PALM: variants seen among roughly 807,000 people sequenced by gnomAD.
PALM encodes paralemmin, also known as paralemmin-1.
PALM carries 18 observed loss-of-function variants against 30.7 expected under a neutral mutation model. The observed-to-expected ratio is 0.59, with a 90% CI of 0.41 to 0.87. The LOEUF (loss-of-function observed/expected upper bound fraction) is 0.87. Ranked by LOEUF, PALM falls within the 40% of genes least tolerant of loss-of-function variation. PALM has a pLI of 0.00. For missense variants in PALM, 529 were observed against 555.4 expected (o/e 0.95, Z 0.48); for synonymous variants, 286 against 242.8 (o/e 1.18, Z -1.66).
chr19:727,239 ACCCCG>A lies in PALM; in HGVS notation c.138+152_138+156del, dbSNP rs2032708110. ...GACCCTGACCCCGACCCTGACCCCG[ACCCCG>A]ACCCCGACCCTGACCCCAACCTGAC... On this transcript the variant is annotated intron_variant, in intron 3 of 8. Transcript: ENST00000338448. The A allele has an allele frequency of 1.6e-5, 9 of 580,400 alleles. No homozygotes were observed. The East Asian group carries it at 2.6e-4, about 17-fold the overall frequency. The allele number at this position is 580,400 out of a possible 1,614,324, so 36.0% of individuals were successfully genotyped here.
At chr19:710,702 C>T (rs2032049660) in intron 1 of PALM, among the ~76,000 whole-genome samples, 1 of 141,518 alleles carries the variant, frequency 7.1e-6, no homozygotes, top group African/African-American at 2.5e-5. Flanking sequence ...CGGGGGGCCT[C>T]GGTGCCTCCT....
chr19:726,504 C>A (rs569010367), intron 2 of PALM, among the ~76,000 whole-genome samples: 1 of 152,244 alleles, frequency 6.6e-6, no homozygotes, highest in Middle Eastern at 3.4e-3. Flanking sequence ...TGCTTTGGTG[C>A]CATCTTGGTG....
chr19:726,984 G>GTGCCCCCC, intron 2 of PALM, 24 bp from the exon 3 acceptor site: 1 of 1,183,058 alleles, frequency 8.5e-7, no homozygotes, highest in Admixed American at 2.0e-5. Flanking sequence ...GCCCATCCCT[G>GTGCCCCCC]ACCCCACCCG....
intron 4 of PALM, chr19:727,987 CGTCG>C: frequency 1.4e-5 from 3 of 218,550 alleles, no homozygotes; most frequent in East Asian, 3.4e-4. Context: ...AGGGACGTGG[CGTCG>C]AGCTCCTGGG....
rs777191315 is a variant in PALM at position 746,403 on chromosome 19, C to G, written c.753C>G (p.Ala251=). 7 of 1,612,432 alleles carry G rather than the reference C, an allele frequency of 4.3e-6. No homozygotes were observed. The highest frequency in any genetic ancestry group is 2.2e-5 in the South Asian group (2 of 90,998). The change falls in exon 9 of 9, where the codon GCC becomes GCG. Residue 251 remains alanine (A), a synonymous_variant. Transcript: ENST00000338448. The surrounding 1 kb of genome is among the most constrained non-coding windows in gnomAD (Gnocchi z 7.1). The part of the protein sequence containing the change: ...EVTLSEAGST[A]GAAETRGAVE... Reference sequence around the variant, plus strand: ...CGCTGAGCGAGGCAGGGTCCACGGCCGGGGCGGCAGAGACCCGGGGGGCTG... The same window carrying G: ...CGCTGAGCGAGGCAGGGTCCACGGCGGGGGCGGCAGAGACCCGGGGGGCTG...
At chr19:723,649 C>CA (rs1555688449) in intron 1 of PALM, among the ~76,000 whole-genome samples, 1 of 152,060 alleles carries the variant, frequency 6.6e-6, no homozygotes, top group East Asian at 1.9e-4. Flanking sequence ...TGGAGTGCAG[C>CA]GCGTGATCTC....
chr19:732,816 GGC>G (rs1404109369), intron 5 of PALM, among the ~76,000 whole-genome samples: 1 of 152,148 alleles, frequency 6.6e-6, no homozygotes, highest in Non-Finnish European at 1.5e-5. Context: ...GGAAGCCCAG[GGC>G]GCTGTGGAAT....
chr19:715,133 T>C (rs2032215763), intron 1 of PALM, among the ~76,000 whole-genome samples: 2 of 152,142 alleles, frequency 1.3e-5, no homozygotes, highest in Non-Finnish European at 2.9e-5. Context: ...GCGGGCGTGG[T>C]GGCGGGTGCC....
At chr19:716,407 C>G (rs1402267234) in intron 1 of PALM, among the ~76,000 whole-genome samples, 1 of 138,266 alleles carries the variant, frequency 7.2e-6, no homozygotes, top group African/African-American at 2.7e-5. Flanking sequence ...GAGACTCTTT[C>G]TCTCAAAAAA....
At chr19:710,555 G>C (rs950499002) in intron 1 of PALM, among the ~76,000 whole-genome samples, 2 of 152,160 alleles carry the variant, frequency 1.3e-5, no homozygotes, top group Non-Finnish European at 2.9e-5. Flanking sequence ...TCCCAGAGGA[G>C]GGGTGTCAGC....
chr19:727,845 C>A, intron 4 of PALM, 151 bp downstream of exon 4: 1 of 727,082 alleles, frequency 1.4e-6, no homozygotes, highest in Non-Finnish European at 2.2e-6. Context: ...TTGAGGGGGA[C>A]GCAGGACGGG....
chr19:734,468 G>C, intron 6 of PALM: 6 of 487,950 alleles, frequency 1.2e-5, no homozygotes, highest in African/African-American at 2.0e-5. Flanking sequence ...GGGAGGCTGA[G>C]GCAGGAGGAT....
intron 7 of PALM, among the ~76,000 whole-genome samples, chr19:736,833 C>T (rs1193205311): frequency 6.6e-6 from 1 of 152,130 alleles, no homozygotes; most frequent in Non-Finnish European, 1.5e-5. Context: ...GCGGGCAGAT[C>T]GCCTGAGGTC....
intron 2 of PALM, 51 bp from the exon 3 acceptor site, chr19:726,957 G>GGGGGGGGGGGGT: frequency 9.0e-7 from 1 of 1,109,140 alleles, no homozygotes. Flanking sequence ...GGGTGGGGGG[G>GGGGGGGGGGGGT]TCTCCGGGAC....
intron 5 of PALM, among the ~76,000 whole-genome samples, chr19:733,281 GTTGT>G (rs755475793): frequency 3.4e-4 from 51 of 152,152 alleles, no homozygotes; most frequent in Admixed American, 1.3e-4. Flanking sequence ...TTCCCTGAAG[GTTGT>G]TTGAGCATGG....
At chr19:718,717 G>A (rs1309391017) in intron 1 of PALM, among the ~76,000 whole-genome samples, 1 of 152,026 alleles carries the variant, frequency 6.6e-6, no homozygotes, top group Admixed American at 6.6e-5. Context: ...CATCCTGGGA[G>A]GGCTGGGAGG....
At chr19:732,825 G>A (rs2032914288) in intron 5 of PALM, among the ~76,000 whole-genome samples, 1 of 152,144 alleles carries the variant, frequency 6.6e-6, no homozygotes, top group Non-Finnish European at 1.5e-5. Context: ...GGGCGCTGTG[G>A]AATCCCCAAG....
In PALM at chr19:726,080, C is replaced by T. The variant is rs143813145; in HGVS notation, c.6-58C>T. On this transcript the variant is annotated intron_variant, in intron 1 of 8. Coordinates refer to ENST00000338448, the MANE Select transcript of PALM (RefSeq NM_002579.3). ...AGAGGCAGAGCTGGGATTTGAACCG[C>T]GTCTGACGGACAGCAGGGCTCAGTG... is the stretch of plus-strand genomic sequence containing the variant. The T allele has an allele frequency of 5.1e-4, 693 of 1,348,024 alleles. 4 individuals are homozygous for T. The African/African-American group carries it at 7.2e-3, about 14-fold the overall frequency. 83.5% of individuals were successfully genotyped at this position (1,348,024 alleles called of 1,614,324 possible).
At chr19:723,118 T>C (rs2032545888) in intron 1 of PALM, among the ~76,000 whole-genome samples, 1 of 150,656 alleles carries the variant, frequency 6.6e-6, no homozygotes, top group African/African-American at 2.4e-5. Flanking sequence ...TTTCATTTTC[T>C]CTGCTGAACT....
Sources: allele counts gnomAD v4.1 joint callset (sites outside exome capture counted in the v4.1 genomes callset), GRCh38; gene constraint gnomAD v4.1.1; non-coding constraint Gnocchi (gnomAD v3.1); transcripts MANE v1.5; gene names NCBI Gene and HGNC (gene_info 2026-07-23, HGNC 2026-07-21).